Variants in EPHX4 observed in about 807,000 individuals in gnomAD.
The protein encoded by EPHX4 is epoxide hydrolase 4.
A neutral mutation model predicts 44.9 loss-of-function variants in EPHX4; 31 were observed. The observed-to-expected ratio is 0.69, with a 90% CI of 0.52 to 0.93. EPHX4 has a LOEUF of 0.93. EPHX4 is among the 40% of genes least tolerant of loss of function. The pLI, the probability that EPHX4 is intolerant of heterozygous loss-of-function variation, is 0.00. For synonymous variants in EPHX4, 151 were observed against 159.7 expected, an observed-to-expected ratio of 0.95 and a Z score of 0.41; for missense variants, 373 against 438.1, an observed-to-expected ratio of 0.85 and a Z score of 1.33.
At chr1:92,057,685 T>G in intron 6 of EPHX4, among the ~76,000 whole-genome samples, 1 of 151,944 alleles carries the variant, frequency 6.6e-6, no homozygotes, top group African/African-American at 2.4e-5. Flanking sequence ...CTGCAACCTC[T>G]GCCTCCCAGG....
chr1:92,047,374 A>C, intron 4 of EPHX4, among the ~76,000 whole-genome samples: 1 of 150,966 alleles, frequency 6.6e-6, no homozygotes, highest in East Asian at 1.9e-4. Context: ...GTGCCAGCTG[A>C]GGGTGGCAAA....
At chr1:92,058,682 T>C (rs550270704) in intron 6 of EPHX4, among the ~76,000 whole-genome samples, 1 of 151,782 alleles carries the variant, frequency 6.6e-6, no homozygotes, top group South Asian at 2.1e-4. Flanking sequence ...GTCCCAGAAA[T>C]AATAATAATA....
At chr1:92,032,211 G>C (rs11165984) in intron 1 of EPHX4, among the ~76,000 whole-genome samples, 34,410 of 152,020 alleles carry the variant, frequency 0.23, 4,093 homozygotes, top group Middle Eastern at 0.27. Flanking sequence ...TATATAAATT[G>C]ACTGTACTAG....
At chr1:92,043,881 T>C (rs1193705708) in intron 3 of EPHX4, 1 of 152,160 alleles carries the variant, frequency 6.6e-6, no homozygotes, top group Non-Finnish European at 1.5e-5. Flanking sequence ...CAAGCTTAAG[T>C]TTCTACCGGC....
chr1:92,045,022 G>T (rs1290494708), intron 3 of EPHX4, among the ~76,000 whole-genome samples: 2 of 152,068 alleles, frequency 1.3e-5, no homozygotes, highest in African/African-American at 4.8e-5. Context: ...GAATGCAGTG[G>T]CATGATCATG....
chr1:92,062,387 C>A (rs904523672), intron 6 of EPHX4, among the ~76,000 whole-genome samples: 2 of 151,754 alleles, frequency 1.3e-5, no homozygotes, highest in Admixed American at 1.3e-4. Context: ...AGTTCAAGAC[C>A]AGCCTGGCCA....
chr1:92,044,072 A>G (rs751086475), intron 3 of EPHX4, among the ~76,000 whole-genome samples: 4 of 152,170 alleles, frequency 2.6e-5, no homozygotes, highest in Non-Finnish European at 4.4e-5. Context: ...TATTAATACT[A>G]TATCCCTTTT....
chr1:92,060,548 A>G (rs1021261544), intron 6 of EPHX4, among the ~76,000 whole-genome samples: 1 of 152,184 alleles, frequency 6.6e-6, no homozygotes, highest in Non-Finnish European at 1.5e-5. Context: ...AGTGAAAACC[A>G]TAAGAAAGTT....
At chr1:92,032,776 C>T (rs1269333408) in intron 2 of EPHX4, among the ~76,000 whole-genome samples, 186 bp downstream of exon 2, 2 of 152,094 alleles carry the variant, frequency 1.3e-5, no homozygotes, top group African/African-American at 4.8e-5. Flanking sequence ...GGCCTCCTTG[C>T]TGCAACATCA....
chr1:92,038,740 G>T (rs1173833481), intron 2 of EPHX4, among the ~76,000 whole-genome samples: 1 of 152,100 alleles, frequency 6.6e-6, no homozygotes, highest in Non-Finnish European at 1.5e-5. Context: ...ATAGGGGAAT[G>T]GTGGGGAGTG....
At chr1:92,049,125 A>G (rs1360269262) in intron 4 of EPHX4, among the ~76,000 whole-genome samples, 2 of 152,128 alleles carry the variant, frequency 1.3e-5, no homozygotes, top group African/African-American at 2.4e-5. Flanking sequence ...CTGGTCCTAC[A>G]TGATCAGGCT....
intron 4 of EPHX4, among the ~76,000 whole-genome samples, chr1:92,048,631 A>T (rs1384619425): frequency 6.6e-6 from 1 of 152,212 alleles, no homozygotes; most frequent in Admixed American, 6.5e-5. Flanking sequence ...GAATATAGTT[A>T]TGAAATGGGA....
At chr1:92,047,031 G>T (rs1251010193) in intron 4 of EPHX4, among the ~76,000 whole-genome samples, 1 of 152,158 alleles carries the variant, frequency 6.6e-6, no homozygotes, top group Non-Finnish European at 1.5e-5. Context: ...GTATTGCAAA[G>T]CTGTGAAGCT....
Position 92,029,999 on chromosome 1 carries a change from G to A in EPHX4, c.-81G>A. The A allele has an allele frequency of 2.9e-6, 3 of 1,025,220 alleles. No individual in the cohort carries two copies. The African/African-American group carries it at 5.0e-5, about 17-fold the overall frequency. The allele number at this position is 1,025,220 out of a possible 1,614,324, so 63.5% of individuals were successfully genotyped here. On this transcript the variant is annotated 5_prime_UTR_variant, in exon 1 of 7. Coordinates refer to ENST00000370383, the MANE Select transcript of EPHX4 (RefSeq NM_173567.5). ...CCGGGGGAGGCGCGCGTCGAGAGGCGACGGCGGGCTGGCCTGGCGCGCTGC... is the reference window on the plus strand; with the variant it reads ...CCGGGGGAGGCGCGCGTCGAGAGGCAACGGCGGGCTGGCCTGGCGCGCTGC...
chr1:92,046,289 C>T (rs1688580223), intron 4 of EPHX4, among the ~76,000 whole-genome samples: 1 of 152,080 alleles, frequency 6.6e-6, no homozygotes, highest in Admixed American at 6.5e-5. Flanking sequence ...TACATTTTTG[C>T]AAATCTCTTC....
At chr1:92,046,570 T>A (rs573925389) in intron 4 of EPHX4, among the ~76,000 whole-genome samples, 12 of 152,254 alleles carry the variant, frequency 7.9e-5, no homozygotes, top group Non-Finnish European at 1.5e-4. Context: ...TTCAAGCGAT[T>A]CTCCTGCCTC....
intron 6 of EPHX4, among the ~76,000 whole-genome samples, chr1:92,058,695 A>G (rs1039538990): frequency 6.6e-6 from 1 of 152,080 alleles, no homozygotes; most frequent in Admixed American, 6.6e-5. Flanking sequence ...TAATAATAAT[A>G]ATAAAACATC....
intron 4 of EPHX4, among the ~76,000 whole-genome samples, chr1:92,048,234 A>G (rs962018927): frequency 2.0e-5 from 3 of 152,296 alleles, no homozygotes; most frequent in African/African-American, 7.2e-5. Context: ...GTATAGTGGG[A>G]TGGATGCTTA....
At chr1:92,054,008 A>G (rs1647308918) in intron 6 of EPHX4, among the ~76,000 whole-genome samples, 1 of 152,174 alleles carries the variant, frequency 6.6e-6, no homozygotes, top group African/African-American at 2.4e-5. Context: ...AAGATAAGAC[A>G]TGGATATTTG....
Sources: allele counts gnomAD v4.1 joint callset (sites outside exome capture counted in the v4.1 genomes callset), GRCh38; gene constraint gnomAD v4.1.1; transcripts MANE v1.5; gene names NCBI Gene and HGNC (gene_info 2026-07-23, HGNC 2026-07-21).